Variants in GRAMD4 observed in about 807,000 individuals in gnomAD.
GRAMD4 encodes the protein GRAM domain-containing protein 4.
In GRAMD4, 25 loss-of-function variants were observed where a neutral mutation model predicts 83.9. That is an observed-to-expected ratio of 0.30 (90% CI 0.22 to 0.42). The LOEUF (loss-of-function observed/expected upper bound fraction) is 0.42, where lower values mean the gene tolerates loss of function less well. Ranked by LOEUF, GRAMD4 falls within the 10% of genes least tolerant of loss-of-function variation. The pLI is 1.00. For missense variants in GRAMD4, 593 were observed against 788.7 expected (o/e 0.75, Z 2.97); for synonymous variants, 336 against 320.9 (o/e 1.05, Z -0.50).
At chr22:46,638,129 G>C (rs546232905) in intron 3 of GRAMD4, among the ~76,000 whole-genome samples, 169 bp downstream of exon 3, 1 of 152,316 alleles carries the variant, frequency 6.6e-6, no homozygotes, top group African/African-American at 2.4e-5. Context: ...TTTGGGCTGG[G>C]TGGTCCCGGC....
intron 3 of GRAMD4, among the ~76,000 whole-genome samples, chr22:46,652,511 A>T (rs2082181100): frequency 6.6e-6 from 1 of 152,202 alleles, no homozygotes; most frequent in Admixed American, 6.5e-5. Flanking sequence ...TGGGAAACAA[A>T]TGCAGAGGTC....
chr22:46,610,460 C>A (rs138519), intron 1 of GRAMD4, among the ~76,000 whole-genome samples: 121,262 of 152,276 alleles, frequency 0.8, 49,003 homozygotes, highest in East Asian at 1. Context: ...CCATTTGCAC[C>A]ACAGCAGAGT....
intron 1 of GRAMD4, among the ~76,000 whole-genome samples, chr22:46,597,538 G>A (rs1304577789): frequency 6.6e-6 from 1 of 152,122 alleles, no homozygotes; most frequent in African/African-American, 2.4e-5. Flanking sequence ...CGCCCAGGCT[G>A]GAGTGCAGTG....
At chr22:46,604,767 C>G (rs1001710729) in intron 1 of GRAMD4, among the ~76,000 whole-genome samples, 6 of 152,112 alleles carry the variant, frequency 3.9e-5, no homozygotes, top group Non-Finnish European at 7.4e-5. Context: ...TGTGGGTTCA[C>G]CCAGGTCTTG....
chr22:46,618,268 T>C (rs1387028483), upstream of GRAMD4, among the ~76,000 whole-genome samples: 1 of 151,994 alleles, frequency 6.6e-6, no homozygotes. This position sits in a 1 kb window ranked among gnomAD's most constrained non-coding sequence, Gnocchi z 5.8. Flanking sequence ...ACACAGCCCC[T>C]GCCCCGGGGG....
At chr22:46,611,697 A>G (rs1388711771) in intron 1 of GRAMD4, among the ~76,000 whole-genome samples, 1 of 151,732 alleles carries the variant, frequency 6.6e-6, no homozygotes, top group East Asian at 1.9e-4. Context: ...TTATTTTTAG[A>G]GACAGGGTCT....
intron 17 of GRAMD4, among the ~76,000 whole-genome samples, chr22:46,676,302 G>A (rs371387376): frequency 6.6e-6 from 1 of 152,208 alleles, no homozygotes; most frequent in African/African-American, 2.4e-5. Flanking sequence ...CTGAGAGCGA[G>A]TTCTGGGGCT....
chr22:46,623,481 G>A (rs1449231377), intron 1 of GRAMD4, among the ~76,000 whole-genome samples: 1 of 152,002 alleles, frequency 6.6e-6, no homozygotes, highest in Non-Finnish European at 1.5e-5. Context: ...TCCGCCTCCC[G>A]GGTTCATGCC....
At chr22:46,601,655 A>G (rs2081313652) in intron 1 of GRAMD4, among the ~76,000 whole-genome samples, 1 of 151,990 alleles carries the variant, frequency 6.6e-6, no homozygotes, top group Non-Finnish European at 1.5e-5. Flanking sequence ...AATTAGCCAG[A>G]CATGTTGGCA....
chr22:46,642,210 G>A (rs141974971), intron 3 of GRAMD4, among the ~76,000 whole-genome samples: 8 of 152,268 alleles, frequency 5.3e-5, no homozygotes, highest in African/African-American at 1.9e-4. Flanking sequence ...CAGGCTCATC[G>A]CCAGCATTTC....
chr22:46,629,154 G>A (rs891394627), intron 2 of GRAMD4, among the ~76,000 whole-genome samples: 4 of 152,148 alleles, frequency 2.6e-5, no homozygotes, highest in Non-Finnish European at 5.9e-5. Flanking sequence ...TAGTGTGGGT[G>A]AGCAGGGCCC....
chr22:46,669,443 G>GC (rs34644325), intron 13 of GRAMD4, among the ~76,000 whole-genome samples: 4,688 of 152,082 alleles, frequency 0.031, 103 homozygotes, highest in Non-Finnish European at 0.044. Flanking sequence ...GGGTGTGGTG[G>GC]CCCCCCCTCA....
Position 46,672,438 on chromosome 22 carries a change from A to G in GRAMD4, c.1085-405A>G, listed in dbSNP as rs761194914. Reference sequence around the variant, plus strand: ...TTTGGGGAGGGATTGCCATGGAGGGACCTCAGATTTGGTGTCAGGTGTGGG... The same window carrying G: ...TTTGGGGAGGGATTGCCATGGAGGGGCCTCAGATTTGGTGTCAGGTGTGGG... On this transcript the variant is annotated intron_variant, in intron 13 of 18. Coordinates refer to ENST00000406902, the MANE Select transcript of GRAMD4 (RefSeq NM_015124.5). This position sits in a 1 kb window ranked among gnomAD's most constrained non-coding sequence, Gnocchi z 4.7. Among the ~76,000 whole-genome samples, 3 of 151,214 alleles carry G rather than the reference A, an allele frequency of 2.0e-5. No homozygotes were observed. Among genetic ancestry groups the G allele is most frequent in the Non-Finnish European group, 4.4e-5 (3 of 67,812 alleles).
chr22:46,679,464 G>A lies in GRAMD4; in HGVS notation c.*2213G>A, dbSNP rs1336316939. On this transcript the variant is annotated 3_prime_UTR_variant, in exon 19 of 19. Transcript: ENST00000406902. ...AGTCCTCGGGAGCGGAGCGCGGATCGGCACGGGCTCTGGGCTCCCCGTGGA... is the reference window on the plus strand; with the variant it reads ...AGTCCTCGGGAGCGGAGCGCGGATCAGCACGGGCTCTGGGCTCCCCGTGGA... 7 of 985,416 alleles carry A rather than the reference G, an allele frequency of 7.1e-6. No homozygotes were observed. The highest frequency in any genetic ancestry group is 6.1e-5 in the Admixed American group (1 of 16,272). 61.0% of individuals were successfully genotyped at this position (985,416 alleles called of 1,614,324 possible). A position where few individuals can be genotyped will look rare whatever the true frequency, so the allele number is the denominator to read the frequency against.
At position 46,593,774 on chromosome 22, in the gene GRAMD4, A is replaced by C. The variant is rs2081233542; in HGVS notation, c.-50+16484A>C. ...AGTCTTGCTCAGTCACCCAGGCTGG[A>C]GTGCAGTGGCGCGATCTCAGCTCAC... is the stretch of plus-strand genomic sequence containing the variant. On this transcript the variant is annotated intron_variant, in intron 1 of 1. Coordinates refer to the GRAMD4 transcript ENST00000431155. Among the ~76,000 whole-genome samples, 3 of 151,840 alleles carry C rather than the reference A, an allele frequency of 2.0e-5. 1 individual carries two copies. The South Asian group carries it at 6.3e-4, about 32-fold the overall frequency.
chr22:46,679,037 A>G lies in GRAMD4; in HGVS notation c.*1786A>G, dbSNP rs1000648463. ...TCTTGGTGCACCAGGGGAGGGGGACATATCCCAGTGAACCCCACCTTGGCG... is the reference window on the plus strand; with the variant it reads ...TCTTGGTGCACCAGGGGAGGGGGACGTATCCCAGTGAACCCCACCTTGGCG... On this transcript the variant is annotated 3_prime_UTR_variant, in exon 19 of 19. Transcript: ENST00000406902. 18 of 985,548 alleles carry G rather than the reference A, an allele frequency of 1.8e-5. No individual in the cohort carries two copies. The highest frequency in any genetic ancestry group is 8.7e-5 in the African/African-American group (5 of 57,214). The allele number at this position is 985,548 out of a possible 1,614,324, so 61.1% of individuals were successfully genotyped here.
At chr22:46,585,721 C>T (rs1312640118) in intron 1 of GRAMD4, among the ~76,000 whole-genome samples, 3 of 152,168 alleles carry the variant, frequency 2.0e-5, no homozygotes, top group Admixed American at 6.5e-5. Context: ...TAAAGAGAGC[C>T]TGGTCTATGG....
chr22:46,638,863 G>C (rs2081930377), intron 3 of GRAMD4, among the ~76,000 whole-genome samples: 1 of 152,170 alleles, frequency 6.6e-6, no homozygotes, highest in African/African-American at 2.4e-5. Flanking sequence ...TGGGTGTCGT[G>C]CCCAGCCAGG....
In GRAMD4 at chr22:46,622,084, C is replaced by T. The variant is rs369381349; in HGVS notation, c.-50+1519C>T. Among the ~76,000 whole-genome samples the T allele has an allele frequency of 3.3e-5, 5 of 152,288 alleles. No homozygotes were observed. The highest frequency in any genetic ancestry group is 2.1e-4 in the South Asian group (1 of 4,834). Reference sequence around the variant, plus strand: ...GGAGTAGCTGGACACTGGCGGGGCACGCATTGCATTCTGATGGTGACAGGC... The same window carrying T: ...GGAGTAGCTGGACACTGGCGGGGCATGCATTGCATTCTGATGGTGACAGGC... On this transcript the variant is annotated intron_variant, in intron 1 of 18. Coordinates refer to ENST00000406902, the MANE Select transcript of GRAMD4 (RefSeq NM_015124.5). This position sits in a 1 kb window ranked among gnomAD's most constrained non-coding sequence, Gnocchi z 4.0.
Sources: gnomAD v4.1 joint callset for allele counts (sites outside exome capture counted in the v4.1 genomes callset) on GRCh38, gnomAD v4.1.1 for gene constraint, Gnocchi (gnomAD v3.1) non-coding constraint, MANE v1.5 for transcripts, NCBI Gene and HGNC (gene_info 2026-07-23, HGNC 2026-07-21) for gene names.